CNTNAP2: variants seen among roughly 807,000 people sequenced by gnomAD.
The protein encoded by CNTNAP2 is contactin associated protein 2, also known as contactin-associated protein-like 2.
A neutral mutation model predicts 155.2 loss-of-function variants in CNTNAP2; 98 were observed. The ratio of observed to expected loss-of-function variants is 0.63; its 90% CI spans 0.54 to 0.75. CNTNAP2 has a LOEUF of 0.75. Among genes scored for constraint, CNTNAP2 ranks in the 30% least tolerant of loss-of-function variants. The pLI is 0.00. For synonymous variants in CNTNAP2, 651 were observed against 631.2 expected (o/e 1.03, Z -0.47); for missense variants, 1,727 against 1,688.1 (o/e 1.02, Z -0.40).
At chr7:147,017,642 G>T (rs1798747876) in intron 3 of CNTNAP2, among the ~76,000 whole-genome samples, 1 of 151,910 alleles carries the variant, frequency 6.6e-6, no homozygotes. Flanking sequence ...GATTTATTTA[G>T]CGAGTAAAGA....
chr7:146,172,945 CT>C (rs1798416036), intron 1 of CNTNAP2, among the ~76,000 whole-genome samples: 2 of 152,126 alleles, frequency 1.3e-5, no homozygotes, highest in South Asian at 4.1e-4. Context: ...GTACTAAAGC[CT>C]GCTTAGTTTG....
intron 15 of CNTNAP2, among the ~76,000 whole-genome samples, chr7:148,069,537 C>T (rs532625638): frequency 3.8e-4 from 58 of 152,014 alleles, no homozygotes; most frequent in African/African-American, 1.3e-3. Flanking sequence ...CCGAGGCAGG[C>T]GGATCACGAG....
At chr7:148,281,835 CTTTT>C (rs58086860) in intron 21 of CNTNAP2, among the ~76,000 whole-genome samples, 1 of 123,462 alleles carries the variant, frequency 8.1e-6, no homozygotes, top group African/African-American at 2.9e-5. Flanking sequence ...ACAACGTTTC[CTTTT>C]TTTTTTTTTT....
At chr7:147,033,798 G>GA (rs71525985) in intron 3 of CNTNAP2, among the ~76,000 whole-genome samples, 4,066 of 118,774 alleles carry the variant, frequency 0.034, 139 homozygotes, top group Admixed American at 0.14. Flanking sequence ...GTGAAGAGGG[G>GA]AAAAAAAAAA....
intron 21 of CNTNAP2, among the ~76,000 whole-genome samples, chr7:148,323,870 T>G (rs550981581): frequency 1.4e-5 from 2 of 148,146 alleles, no homozygotes; most frequent in Non-Finnish European, 3.0e-5. Context: ...GAGACTTGTC[T>G]CTGAAGCCCC....
intron 15 of CNTNAP2, among the ~76,000 whole-genome samples, chr7:147,996,545 G>C (rs891408017): frequency 1.3e-5 from 2 of 152,162 alleles, no homozygotes; most frequent in African/African-American, 4.8e-5. Flanking sequence ...TTCCTCATCT[G>C]TAAAATAGAA....
At chr7:146,199,511 A>C (rs2116864518) in intron 1 of CNTNAP2, among the ~76,000 whole-genome samples, 1 of 152,312 alleles carries the variant, frequency 6.6e-6, no homozygotes, top group South Asian at 2.1e-4. Flanking sequence ...AATGAAAAAT[A>C]AGATCAGTTA....
At chr7:147,278,964 A>C (rs971415850) in intron 8 of CNTNAP2, among the ~76,000 whole-genome samples, 1 of 151,450 alleles carries the variant, frequency 6.6e-6, no homozygotes, top group South Asian at 2.1e-4. Context: ...ATTACTTTCT[A>C]TCCTGAATAC....
At chr7:148,181,152 G>C (rs982972566) in intron 18 of CNTNAP2, among the ~76,000 whole-genome samples, 2 of 152,116 alleles carry the variant, frequency 1.3e-5, no homozygotes, top group Non-Finnish European at 2.9e-5. Context: ...CTTGGACGGA[G>C]CCACACCACT....
At chr7:147,887,122 G>C (rs952420944) in intron 13 of CNTNAP2, among the ~76,000 whole-genome samples, 1 of 152,016 alleles carries the variant, frequency 6.6e-6, no homozygotes. Context: ...AACAGACTTC[G>C]ACTATACAAT....
intron 1 of CNTNAP2, among the ~76,000 whole-genome samples, chr7:146,494,251 A>G (rs1052032924): frequency 8.6e-5 from 13 of 152,020 alleles, no homozygotes; most frequent in African/African-American, 2.2e-4. Context: ...GGAGAATGGC[A>G]TGAATCCGGG....
At chr7:148,209,008 A>C (rs745985071) in intron 18 of CNTNAP2, among the ~76,000 whole-genome samples, 3 of 152,136 alleles carry the variant, frequency 2.0e-5, no homozygotes, top group Non-Finnish European at 4.4e-5. Context: ...CCATGCTTGC[A>C]TTGTAAATAC....
chr7:147,945,460 GC>G (rs1276177832), intron 14 of CNTNAP2, among the ~76,000 whole-genome samples: 2 of 152,072 alleles, frequency 1.3e-5, no homozygotes, highest in Non-Finnish European at 2.9e-5. Flanking sequence ...GCAGTACGAA[GC>G]AGGAAAGCGG....
chr7:148,180,073 A>G (rs574563794), intron 18 of CNTNAP2, among the ~76,000 whole-genome samples: 12 of 152,144 alleles, frequency 7.9e-5, no homozygotes, highest in Non-Finnish European at 1.6e-4. Flanking sequence ...AAGAAGAGAA[A>G]TGTTGGAAGT....
chr7:146,459,965 A>G lies in CNTNAP2; in HGVS notation c.98-314306A>G, dbSNP rs201087523. Reference sequence around the variant, plus strand: ...AGGCTGGGTGACAGAGCGAGACTCCATCTCAAACAAAAAACAAAACAAAAC... The same window carrying G: ...AGGCTGGGTGACAGAGCGAGACTCCGTCTCAAACAAAAAACAAAACAAAAC... On this transcript the variant is annotated intron_variant, in intron 1 of 23. Coordinates refer to ENST00000361727, the MANE Select transcript of CNTNAP2 (RefSeq NM_014141.6). 1.4e-4 allele frequency among the ~76,000 whole-genome samples: 21 copies of G among 152,188 alleles called. No individual in the cohort carries two copies. In the East Asian group the frequency reaches 3.7e-3, roughly 27 times the overall value.
intron 3 of CNTNAP2, among the ~76,000 whole-genome samples, chr7:146,918,073 C>G (rs2129219092): frequency 6.6e-6 from 1 of 152,132 alleles, no homozygotes; most frequent in Non-Finnish European, 1.5e-5. Flanking sequence ...TATGCAAGTC[C>G]ACATGTGTCA....
chr7:147,504,580 T>C (rs894739128), intron 11 of CNTNAP2, among the ~76,000 whole-genome samples: 11 of 150,834 alleles, frequency 7.3e-5, no homozygotes, highest in Non-Finnish European at 1.3e-4. Flanking sequence ...TCCCAAATAC[T>C]CGGGAGGCTA....
chr7:148,230,314 C>T (rs1795937499), intron 20 of CNTNAP2, among the ~76,000 whole-genome samples: 1 of 152,160 alleles, frequency 6.6e-6, no homozygotes, highest in African/African-American at 2.4e-5. Flanking sequence ...TTTATTATGA[C>T]ACTCAAATTT....
chr7:146,135,639 A>G (rs537164576), intron 1 of CNTNAP2, among the ~76,000 whole-genome samples: 3 of 152,246 alleles, frequency 2.0e-5, no homozygotes, highest in Non-Finnish European at 1.5e-5. Context: ...GTGCCTAACT[A>G]ATGTTATTAA....
Sources: gnomAD v4.1 joint callset for allele counts (sites outside exome capture counted in the v4.1 genomes callset) on GRCh38, gnomAD v4.1.1 for gene constraint, MANE v1.5 for transcripts, NCBI Gene and HGNC (gene_info 2026-07-23, HGNC 2026-07-21) for gene names.